ADRB1: variants seen among roughly 807,000 people sequenced by gnomAD.
The protein encoded by ADRB1 is beta-1 adrenergic receptor.
For synonymous variants in ADRB1, 365 were observed against 347.2 expected (o/e 1.05, Z -0.57); for missense variants, 635 against 709.1 (o/e 0.90, Z 1.19).
In ADRB1 at chr10:114,046,114, T is replaced by C. The variant is rs945849620; in HGVS notation, c.*548T>C. ...TTAATTTCTAAGTAATGATTTCTGCTGTTATGAAAGCAAAGAGAAAGGATG... is the reference window on the plus strand; with the variant it reads ...TTAATTTCTAAGTAATGATTTCTGCCGTTATGAAAGCAAAGAGAAAGGATG... On this transcript the variant is annotated 3_prime_UTR_variant, in exon 1 of 1. Coordinates refer to ENST00000369295, the MANE Select transcript of ADRB1 (RefSeq NM_000684.3). 4 of 167,078 alleles carry C rather than the reference T, an allele frequency of 2.4e-5. No homozygotes were observed. Among genetic ancestry groups the C allele is most frequent in the African/African-American group, 9.7e-5 (4 of 41,432 alleles). 10.3% of individuals were successfully genotyped at this position (167,078 alleles called of 1,614,324 possible). A position where few individuals can be genotyped will look rare whatever the true frequency, so the allele number is the denominator to read the frequency against.
At position 114,044,617 on chromosome 10, in the gene ADRB1, C is replaced by T. The variant is rs1453772558; in HGVS notation, c.485C>T (p.Ser162Leu). The change falls in exon 1 of 1, where the codon TCG becomes TTG. Residue 162 changes from serine (S) to leucine (L), a missense_variant. Physicochemically the swap from Ser to Leu is moderately radical, Grantham distance 145. Transcript: ENST00000369295. The surrounding 1 kb of genome is among the most constrained non-coding windows in gnomAD (Gnocchi z 7.8). Reference sequence around the variant, plus strand: ...CTGGACCGCTACCTCGCCATCACCTCGCCCTTCCGCTACCAGAGCCTGCTG... The same window carrying T: ...CTGGACCGCTACCTCGCCATCACCTTGCCCTTCCGCTACCAGAGCCTGCTG... ...IALDRYLAIT[S>L]PFRYQSLLTR... is the part of the protein sequence containing the mutation. 6.2e-7 allele frequency: 1 copy of T among 1,613,402 alleles called. No individual in the cohort carries two copies. The highest frequency in any genetic ancestry group is 1.3e-5 in the African/African-American group (1 of 75,038).
In ADRB1 at chr10:114,045,518, C is replaced by T; in HGVS notation, c.1386C>T (p.Ser462=). Residue 462 remains serine, a synonymous_variant, in exon 1 of 1, where the codon AGC becomes AGT. Coordinates refer to ENST00000369295, the MANE Select transcript of ADRB1 (RefSeq NM_000684.3). ...NGGAAADSDS[S]LDEPCRPGFA... is the part of the protein sequence containing the mutation. ...GGGCGGCGGCGGACAGCGACTCGAG[C>T]CTGGACGAGCCGTGCCGCCCCGGCT... 1.5e-6 allele frequency: 2 copies of T among 1,305,244 alleles called. No individual in the cohort carries two copies. The highest frequency in any genetic ancestry group is 2.5e-5 in the South Asian group (1 of 40,064). The allele number at this position is 1,305,244 out of a possible 1,614,324, so 80.9% of individuals were successfully genotyped here. A position where few individuals can be genotyped will look rare whatever the true frequency, so the allele number is the denominator to read the frequency against.
At position 114,045,029 on chromosome 10, in the gene ADRB1, C is replaced by G; in HGVS notation, c.897C>G (p.Ala299=). Residue 299 remains alanine, a synonymous_variant, in exon 1 of 1, where the codon GCC becomes GCG. Transcript: ENST00000369295. ...PPRPAAAAAT[A]PLANGRAGKR... The stretch of plus-strand genomic sequence containing the variant: ...GCCCCGCCGCCGCCGCCGCCACCGC[C>G]CCGCTGGCCAACGGGCGTGCGGGTA... 8.5e-7 allele frequency: 1 copy of G among 1,180,648 alleles called. No individual in the cohort carries two copies. 73.1% of individuals were successfully genotyped at this position (1,180,648 alleles called of 1,614,324 possible).
chr10:114,044,703 T>C lies in ADRB1; in HGVS notation c.571T>C (p.Phe191Leu). ...TVWAISALVSFLPILMHWWRA... is the reference protein window; with the variant it reads ...TVWAISALVSLLPILMHWWRA... ...GTGGGCCATCTCGGCCCTGGTGTCC[T>C]TCCTGCCCATCCTCATGCACTGGTG... Residue 191 changes from phenylalanine to leucine, a missense_variant, in exon 1 of 1, where the codon TTC (phenylalanine) becomes CTC (leucine). Transcript: ENST00000369295. This position sits in a 1 kb window ranked among gnomAD's most constrained non-coding sequence, Gnocchi z 7.8. 2 of 1,612,688 alleles carry C rather than the reference T, an allele frequency of 1.2e-6. No individual in the cohort carries two copies. The highest frequency in any genetic ancestry group is 1.7e-6 in the Non-Finnish European group (2 of 1,179,818).
rs1284810679 is a variant in ADRB1, at chr10:114,045,963, G to A, written c.*397G>A. 1 of 172,094 alleles carries A rather than the reference G, an allele frequency of 5.8e-6. No individual in the cohort carries two copies. The highest frequency in any genetic ancestry group is 1.4e-5 in the Non-Finnish European group (1 of 71,764). 10.7% of individuals were successfully genotyped at this position (172,094 alleles called of 1,614,324 possible). On this transcript the variant is annotated 3_prime_UTR_variant, in exon 1 of 1. Coordinates refer to ENST00000369295, the MANE Select transcript of ADRB1 (RefSeq NM_000684.3). ...TAGGGGAAGGGAGAAGCATTAGGAGGGGATTAAAATCGATCATCGTGGCTC... is the reference window on the plus strand; with the variant it reads ...TAGGGGAAGGGAGAAGCATTAGGAGAGGATTAAAATCGATCATCGTGGCTC...
chr10:114,044,811 G>T lies in ADRB1; in HGVS notation c.679G>T (p.Ala227Ser). The change falls in exon 1 of 1, where the codon GCC becomes TCC. Residue 227 changes from alanine to serine, a missense_variant. By Grantham distance (99) the Ala-to-Ser change is moderately conservative. Coordinates refer to ENST00000369295, the MANE Select transcript of ADRB1 (RefSeq NM_000684.3). This position sits in a 1 kb window ranked among gnomAD's most constrained non-coding sequence, Gnocchi z 7.8. ...CGTCACCAACCGGGCCTACGCCATC[G>T]CCTCGTCCGTAGTCTCCTTCTACGT... ...DFVTNRAYAI[A>S]SSVVSFYVPL... 4 of 1,613,824 alleles carry T rather than the reference G, an allele frequency of 2.5e-6. No homozygotes were observed. The highest frequency in any genetic ancestry group is 2.2e-5 in the East Asian group (1 of 44,862).
rs953727737 is a variant in ADRB1, at chr10:114,044,917, A to T, written c.785A>T (p.Glu262Val). 6.3e-7 allele frequency: 1 copy of T among 1,585,290 alleles called. No individual in the cohort carries two copies. The highest frequency in any genetic ancestry group is 1.4e-5 in the African/African-American group (1 of 73,766). Residue 262 changes from glutamate to valine, a missense_variant, in exon 1 of 1, where the codon GAG becomes GTG. Transcript: ENST00000369295. This position sits in a 1 kb window ranked among gnomAD's most constrained non-coding sequence, Gnocchi z 7.8. ...CAGGTGAAGAAGATCGACAGCTGCG[A>T]GCGCCGTTTCCTCGGCGGCCCAGCG... ...QKQVKKIDSC[E>V]RRFLGGPARP...
Position 114,045,613 on chromosome 10 carries a change from G to T in ADRB1, c.*47G>T, listed in dbSNP as rs1299063069. On this transcript the variant is annotated 3_prime_UTR_variant, in exon 1 of 1. Transcript: ENST00000369295. ...TCCGGGCACGGCTTCCCAGGGGAAC[G>T]AGGAGATCTGTGTTTACTTAAGACC... The T allele has an allele frequency of 5.6e-6, 7 of 1,258,718 alleles. No homozygotes were observed. The highest frequency in any genetic ancestry group is 8.5e-5 in the Admixed American group (2 of 23,490). The allele number at this position is 1,258,718 out of a possible 1,614,324, so 78.0% of individuals were successfully genotyped here. A position where few individuals can be genotyped will look rare whatever the true frequency, so the allele number is the denominator to read the frequency against.
Position 114,045,631 on chromosome 10 carries a change from T to TTAAGACC in ADRB1, c.*66_*72dup. The TTAAGACC allele has an allele frequency of 8.1e-7, 1 of 1,228,936 alleles. No homozygotes were observed. Among genetic ancestry groups the TTAAGACC allele is most frequent in the Non-Finnish European group, 1.0e-6 (1 of 971,308 alleles). The allele number at this position is 1,228,936 out of a possible 1,614,324, so 76.1% of individuals were successfully genotyped here. The stretch of plus-strand genomic sequence containing the variant: ...GGGGAACGAGGAGATCTGTGTTTAC[T>TTAAGACC]TAAGACCGATAGCAGGTGAACTCGA... On this transcript the variant is annotated 3_prime_UTR_variant, in exon 1 of 1. Transcript: ENST00000369295.
chr10:114,045,769 G>GT lies in ADRB1; in HGVS notation c.*213dup, dbSNP rs35435446. 10,307 of 221,478 alleles carry GT rather than the reference G, an allele frequency of 0.047. 24 individuals carry two copies. The highest frequency in any genetic ancestry group is 0.07 in the Middle Eastern group (47 of 670). 13.7% of individuals were successfully genotyped at this position (221,478 alleles called of 1,614,324 possible). On this transcript the variant is annotated 3_prime_UTR_variant, in exon 1 of 1. Transcript: ENST00000369295. ...GAGTGGCTTGCTGATGTTCCTTGTT[G>GT]TTTTTTTTTTCTTTTCTTTTCTTTC...
rs238741 is a variant in ADRB1 at position 114,045,084 on chromosome 10, C to A, written c.952C>A (p.Arg318Ser). The A allele has an allele frequency of 4.1e-5, 61 of 1,482,368 alleles. No homozygotes were observed. The highest frequency in any genetic ancestry group is 5.1e-5 in the Non-Finnish European group (57 of 1,112,798). 91.8% of individuals were successfully genotyped at this position (1,482,368 alleles called of 1,614,324 possible). A position where few individuals can be genotyped will look rare whatever the true frequency, so the allele number is the denominator to read the frequency against. Residue 318 changes from arginine (R) to serine (S), a missense_variant, in exon 1 of 1, where the codon CGC becomes AGC. Arg to Ser is a moderately radical substitution (Grantham distance 110, BLOSUM62 -1). Coordinates refer to ENST00000369295, the MANE Select transcript of ADRB1 (RefSeq NM_000684.3). ...KRRPSRLVAL[R>S]EQKALKTLGI... ...GCGGCCCTCGCGCCTCGTGGCCCTGCGCGAGCAGAAGGCGCTCAAGACGCT... is the reference window on the plus strand; with the variant it reads ...GCGGCCCTCGCGCCTCGTGGCCCTGAGCGAGCAGAAGGCGCTCAAGACGCT...
At position 114,045,404 on chromosome 10, in the gene ADRB1, C is replaced by A; in HGVS notation, c.1272C>A (p.Pro424=). 1 of 1,240,708 alleles carries A rather than the reference C, an allele frequency of 8.1e-7. No individual in the cohort carries two copies. The highest frequency in any genetic ancestry group is 3.8e-5 in the South Asian group (1 of 26,124). The allele number at this position is 1,240,708 out of a possible 1,614,324, so 76.9% of individuals were successfully genotyped here. ...CLARPGPPPS[P]GAASDDDDDD... The stretch of plus-strand genomic sequence containing the variant: ...CCCGGCCCGGACCCCCGCCATCGCC[C>A]GGGGCCGCCTCGGACGACGACGACG... Residue 424 remains proline, a synonymous_variant, in exon 1 of 1, where the codon CCC becomes CCA. Transcript: ENST00000369295.
Position 114,043,983 on chromosome 10 carries a change from C to A in ADRB1, c.-150C>A. The A allele has an allele frequency of 1.9e-6, 1 of 523,994 alleles. No individual in the cohort carries two copies. Among genetic ancestry groups the A allele is most frequent in the East Asian group, 5.5e-5 (1 of 18,332 alleles). The allele number at this position is 523,994 out of a possible 1,614,324, so 32.5% of individuals were successfully genotyped here. A position where few individuals can be genotyped will look rare whatever the true frequency, so the allele number is the denominator to read the frequency against. ...GCGCTCGGCTCCTGCGGGAAAGGCG[C>A]CCGGCGCCCATGCCTCCGGCCCCGC... On this transcript the variant is annotated 5_prime_UTR_variant, in exon 1 of 1. Transcript: ENST00000369295.
rs780593847 is a variant in ADRB1, at chr10:114,044,448, G to C, written c.316G>C (p.Val106Leu). ...CATGTCCCTGGCCAGCGCCGACCTG[G>C]TCATGGGGCTGCTGGTGGTGCCGTT... is the stretch of plus-strand genomic sequence containing the variant. ...FIMSLASADL[V>L]MGLLVVPFGA... Residue 106 changes from valine to leucine, a missense_variant, in exon 1 of 1, where the codon GTC (valine) becomes CTC (leucine). Val to Leu is a conservative substitution (Grantham distance 32). Transcript: ENST00000369295. This position sits in a 1 kb window ranked among gnomAD's most constrained non-coding sequence, Gnocchi z 7.8. The C allele has an allele frequency of 1.9e-6, 3 of 1,613,066 alleles. No individual in the cohort carries two copies. Among genetic ancestry groups the C allele is most frequent in the Non-Finnish European group, 1.7e-6 (2 of 1,179,990 alleles).
At position 114,046,308 on chromosome 10, in the gene ADRB1, C is replaced by T. The variant is rs543381634; in HGVS notation, c.*742C>T. The T allele has an allele frequency of 6.0e-6, 1 of 167,172 alleles. No individual in the cohort carries two copies. Among genetic ancestry groups the T allele is most frequent in the East Asian group, 1.9e-4 (1 of 5,188 alleles). The allele number at this position is 167,172 out of a possible 1,614,324, so 10.4% of individuals were successfully genotyped here. ...TGCATTTGCACAGCAGATAGAAAGA[C>T]TTGTTTATATTAAACAGCTTATTTA... is the stretch of plus-strand genomic sequence containing the variant. On this transcript the variant is annotated 3_prime_UTR_variant, in exon 1 of 1. Transcript: ENST00000369295.
At position 114,043,987 on chromosome 10, in the gene ADRB1, G is replaced by A; in HGVS notation, c.-146G>A. On this transcript the variant is annotated 5_prime_UTR_variant, in exon 1 of 1. Transcript: ENST00000369295. ...TCGGCTCCTGCGGGAAAGGCGCCCG[G>A]CGCCCATGCCTCCGGCCCCGCGCCG... 2 of 550,696 alleles carry A rather than the reference G, an allele frequency of 3.6e-6. No individual in the cohort carries two copies. The highest frequency in any genetic ancestry group is 5.1e-6 in the Non-Finnish European group (2 of 392,838). The allele number at this position is 550,696 out of a possible 1,614,324, so 34.1% of individuals were successfully genotyped here.
Position 114,044,848 on chromosome 10 carries a change from T to G in ADRB1, c.716T>G (p.Ile239Ser), listed in dbSNP as rs1847537029. The G allele has an allele frequency of 6.2e-7, 1 of 1,613,566 alleles. No homozygotes were observed. Among genetic ancestry groups the G allele is most frequent in the Non-Finnish European group, 8.5e-7 (1 of 1,179,882 alleles). Residue 239 changes from isoleucine (I) to serine (S), a missense_variant, in exon 1 of 1, where the codon ATC becomes AGC. By Grantham distance (142) the Ile-to-Ser change is moderately radical. Coordinates refer to ENST00000369295, the MANE Select transcript of ADRB1 (RefSeq NM_000684.3). The surrounding 1 kb of genome is among the most constrained non-coding windows in gnomAD (Gnocchi z 7.8). Reference protein sequence around the residue: ...SVVSFYVPLCIMAFVYLRVFR... With the variant: ...SVVSFYVPLCSMAFVYLRVFR... The stretch of plus-strand genomic sequence containing the variant: ...GTCTCCTTCTACGTGCCCCTGTGCA[T>G]CATGGCCTTCGTGTACCTGCGGGTG...
chr10:114,045,759 G>T lies in ADRB1; in HGVS notation c.*193G>T, dbSNP rs2119533815. ...AGGGATGGGAGAGTGGCTTGCTGAT[G>T]TTCCTTGTTGTTTTTTTTTTCTTTT... On this transcript the variant is annotated 3_prime_UTR_variant, in exon 1 of 1. Transcript: ENST00000369295. 2.9e-6 allele frequency: 1 copy of T among 339,102 alleles called. No individual in the cohort carries two copies. The highest frequency in any genetic ancestry group is 5.3e-6 in the Non-Finnish European group (1 of 189,052). 21.0% of individuals were successfully genotyped at this position (339,102 alleles called of 1,614,324 possible).
In ADRB1 at chr10:114,045,197, C is replaced by A. The variant is rs141633952; in HGVS notation, c.1065C>A (p.Pro355=). ...AGGCCTTCCACCGCGAGCTGGTGCC[C>A]GACCGCCTCTTCGTCTTCTTCAACT... The part of the protein sequence containing the change: ...VVKAFHRELV[P]DRLFVFFNWL... The change falls in exon 1 of 1, where the codon CCC becomes CCA. Residue 355 remains proline (P), a synonymous_variant. Coordinates refer to ENST00000369295, the MANE Select transcript of ADRB1 (RefSeq NM_000684.3). The A allele has an allele frequency of 2.9e-3, 4,648 of 1,598,152 alleles. 9 individuals carry two copies. Among genetic ancestry groups the A allele is most frequent in the Non-Finnish European group, 3.3e-3 (3,925 of 1,172,038 alleles).
Sources: allele counts gnomAD v4.1 joint callset, GRCh38; gene constraint gnomAD v4.1.1; non-coding constraint Gnocchi (gnomAD v3.1); transcripts MANE v1.5; gene names NCBI Gene and HGNC (gene_info 2026-07-23, HGNC 2026-07-21).